SDK1: variants seen among roughly 807,000 people sequenced by gnomAD.
SDK1 encodes protein sidekick-1.
In SDK1, 157 loss-of-function variants were observed where a neutral mutation model predicts 245.5. The observed-to-expected ratio is 0.64, with a 90% confidence interval of 0.56 to 0.73. The LOEUF is 0.73. Among genes scored for constraint, SDK1 ranks in the 30% least tolerant of loss-of-function variants. SDK1 has a pLI of 0.00. For synonymous variants in SDK1, 1,647 were observed against 1,278.5 expected (o/e 1.29, Z -6.15); for missense variants, 3,583 against 3,002.3 (o/e 1.19, Z -4.52).
At chr7:3,539,933 A>G (rs1779005339) in intron 1 of SDK1, among the ~76,000 whole-genome samples, 1 of 152,264 alleles carries the variant, frequency 6.6e-6, no homozygotes, top group Non-Finnish European at 1.5e-5. Context: ...TGCCAGCTGC[A>G]GCCAGTAGGC....
At chr7:3,961,083 C>G (rs1781643385) in intron 8 of SDK1, among the ~76,000 whole-genome samples, 2 of 152,192 alleles carry the variant, frequency 1.3e-5, no homozygotes, top group Admixed American at 1.3e-4. Flanking sequence ...GCAGGGTAAA[C>G]TGCTTGTTAA....
At chr7:3,787,425 G>C (rs1780938176) in intron 4 of SDK1, among the ~76,000 whole-genome samples, 1 of 152,134 alleles carries the variant, frequency 6.6e-6, no homozygotes, top group Admixed American at 6.5e-5. Context: ...CTGGAGCCTT[G>C]TGCACACGCT....
chr7:4,054,854 C>T (rs1779102932), intron 19 of SDK1, among the ~76,000 whole-genome samples: 1 of 152,108 alleles, frequency 6.6e-6, no homozygotes, highest in Admixed American at 6.5e-5. Context: ...CATCATTTGA[C>T]ATGATCATCT....
intron 4 of SDK1, among the ~76,000 whole-genome samples, chr7:3,764,656 T>C (rs1780204052): frequency 1.3e-5 from 2 of 151,980 alleles, no homozygotes; most frequent in Admixed American, 1.3e-4. Context: ...CACTCTAGCC[T>C]GGGCGACAGA....
At chr7:3,853,594 C>T (rs1376210214) in intron 5 of SDK1, among the ~76,000 whole-genome samples, 1 of 152,042 alleles carries the variant, frequency 6.6e-6, no homozygotes, top group East Asian at 1.9e-4. Flanking sequence ...GGAATATTTG[C>T]AGAATACATA....
chr7:3,489,102 A>C (rs566899272), intron 1 of SDK1, among the ~76,000 whole-genome samples: 1 of 152,266 alleles, frequency 6.6e-6, no homozygotes, highest in East Asian at 1.9e-4. Context: ...AGAGTGGGTA[A>C]TATTCTCTCC....
chr7:3,447,771 C>T (rs1780388204), intron 1 of SDK1, among the ~76,000 whole-genome samples: 1 of 139,850 alleles, frequency 7.2e-6, no homozygotes, highest in South Asian at 2.3e-4. Flanking sequence ...ATGGCATGAT[C>T]TCGGCTCACC....
chr7:3,984,710 G>A (rs1173218223), intron 13 of SDK1, among the ~76,000 whole-genome samples: 4 of 152,032 alleles, frequency 2.6e-5, no homozygotes, highest in Admixed American at 6.6e-5. Context: ...CTGGCTCCTC[G>A]AGCCTCTAAC....
At chr7:4,232,289 C>T (rs999042114) in intron 40 of SDK1, among the ~76,000 whole-genome samples, 12 of 151,274 alleles carry the variant, frequency 7.9e-5, no homozygotes, top group Non-Finnish European at 1.6e-4. Flanking sequence ...CCAGGCTTTG[C>T]AAAGAGGCTG....
rs372591233 is a variant in SDK1 at position 4,205,917 on chromosome 7, C to G, written c.5137C>G (p.Leu1713Val). The G allele has an allele frequency of 1.0e-5, 16 of 1,559,842 alleles. No homozygotes were observed. The highest frequency in any genetic ancestry group is 1.1e-5 in the Non-Finnish European group (13 of 1,151,290). ...CCCGCAGAACGTGCAGGTGACCCCACTCACGGCCAGCCAGCTGGAGGTCAC... is the reference window on the plus strand; with the variant it reads ...CCCGCAGAACGTGCAGGTGACCCCAGTCACGGCCAGCCAGCTGGAGGTCAC... Reference protein sequence around the residue: ...MAPQNVQVTPLTASQLEVTWD... With the variant: ...MAPQNVQVTPVTASQLEVTWD... The change falls in exon 36 of 45, where the codon CTC (leucine) becomes GTC (valine). Residue 1713 changes from leucine (L) to valine (V), a missense_variant. Physicochemically the swap from Leu to Val is conservative, Grantham distance 32 (BLOSUM62 1). Transcript: ENST00000404826.
intron 4 of SDK1, among the ~76,000 whole-genome samples, chr7:3,759,540 A>ATTTTCTTTTTAGTTTTCTCTGCT (rs1780033021): frequency 6.6e-6 from 1 of 150,944 alleles, no homozygotes; most frequent in Admixed American, 6.6e-5. Flanking sequence ...CATATGTTGA[A>ATTTTCTTTTTAGTTTTCTCTGCT]TTTTCTTTTT....
intron 34 of SDK1, 79 bp downstream of exon 34, chr7:4,175,913 GGGA>G: frequency 1.6e-6 from 2 of 1,255,668 alleles, no homozygotes; most frequent in Non-Finnish European, 2.3e-6. Context: ...CTCAGTGCAA[GGGA>G]AAACCAGCCT....
intron 4 of SDK1, among the ~76,000 whole-genome samples, chr7:3,766,910 A>C (rs1780270143): frequency 6.6e-6 from 1 of 152,228 alleles, no homozygotes; most frequent in African/African-American, 2.4e-5. Context: ...AATATGCCCA[A>C]AAGTGGTTCT....
chr7:3,572,009 A>G (rs1780131887), intron 1 of SDK1, among the ~76,000 whole-genome samples: 3 of 152,062 alleles, frequency 2.0e-5, no homozygotes, highest in Admixed American at 6.6e-5. Context: ...CTTATTGAAC[A>G]TGTACGTACA....
chr7:3,892,965 C>T (rs1248776211), intron 5 of SDK1, among the ~76,000 whole-genome samples: 1 of 152,162 alleles, frequency 6.6e-6, no homozygotes, highest in Non-Finnish European at 1.5e-5. Context: ...AGGGAACAGG[C>T]TGCCTTCCCA....
At chr7:3,865,392 C>A (rs1045792499) in intron 5 of SDK1, among the ~76,000 whole-genome samples, 1 of 152,316 alleles carries the variant, frequency 6.6e-6, no homozygotes, top group Middle Eastern at 3.4e-3. Flanking sequence ...GACCGACAGA[C>A]TCAAAATGTT....
intron 1 of SDK1, among the ~76,000 whole-genome samples, chr7:3,555,325 T>C (rs1434567818): frequency 3.3e-5 from 5 of 152,060 alleles, no homozygotes; most frequent in East Asian, 1.9e-4. Context: ...AGAATATACA[T>C]TGGGGAAAGG....
intron 4 of SDK1, among the ~76,000 whole-genome samples, chr7:3,778,785 A>G (rs1780638759): frequency 6.6e-6 from 1 of 152,222 alleles, no homozygotes; most frequent in African/African-American, 2.4e-5. Flanking sequence ...ATGTAAACTG[A>G]ATAAGGTTGA....
At chr7:3,393,268 G>A (rs910129275) in intron 1 of SDK1, among the ~76,000 whole-genome samples, 3 of 151,866 alleles carry the variant, frequency 2.0e-5, no homozygotes, top group South Asian at 2.1e-4. Flanking sequence ...CACCACACCC[G>A]GCCCCTATTT....
Sources: gnomAD v4.1 joint callset for allele counts (sites outside exome capture counted in the v4.1 genomes callset) on GRCh38, gnomAD v4.1.1 for gene constraint, MANE v1.5 for transcripts, NCBI Gene and HGNC (gene_info 2026-07-23, HGNC 2026-07-21) for gene names.